ERBB4: variants seen among roughly 807,000 people sequenced by gnomAD.
ERBB4 encodes the protein receptor tyrosine-protein kinase erbB-4.
ERBB4 carries 42 observed loss-of-function variants against 158.0 expected under a neutral mutation model. That is an observed-to-expected ratio of 0.27 (90% CI 0.21 to 0.34). The LOEUF is 0.34. ERBB4 is among the 10% of genes least tolerant of loss of function. ERBB4 has a pLI of 1.00. For synonymous variants in ERBB4, 583 were observed against 558.7 expected (o/e 1.04, Z -0.61); for missense variants, 1,333 against 1,624.1 (o/e 0.82, Z 3.08).
intron 2 of ERBB4, among the ~76,000 whole-genome samples, chr2:211,997,909 T>TACACACACACACACA (rs35510591): frequency 6.6e-6 from 1 of 150,450 alleles, no homozygotes; most frequent in Non-Finnish European, 1.5e-5. Context: ...CACACACACA[T>TACACACACACACACA]CACACACACA....
intron 2 of ERBB4, among the ~76,000 whole-genome samples, chr2:212,116,154 T>C (rs1471276253): frequency 3.3e-5 from 5 of 151,696 alleles, no homozygotes; most frequent in Non-Finnish European, 7.4e-5. Context: ...TGGAAAGCGG[T>C]TGCTAATTTA....
intron 19 of ERBB4, among the ~76,000 whole-genome samples, chr2:211,569,297 C>T (rs2125739920): frequency 6.6e-6 from 1 of 152,316 alleles, no homozygotes; most frequent in South Asian, 2.1e-4. Context: ...CTCCGGATTA[C>T]ACTGAAATTC....
intron 20 of ERBB4, among the ~76,000 whole-genome samples, chr2:211,465,708 C>A (rs1033659723): frequency 6.6e-6 from 1 of 152,076 alleles, no homozygotes; most frequent in Non-Finnish European, 1.5e-5. Context: ...GACAAAGAAA[C>A]CTCCTATCTG....
chr2:212,110,522 G>A (rs753057741), intron 2 of ERBB4, among the ~76,000 whole-genome samples: 4 of 152,138 alleles, frequency 2.6e-5, no homozygotes, highest in Non-Finnish European at 4.4e-5. Context: ...TGCTGCTACC[G>A]CCTCACTGAA....
intron 1 of ERBB4, among the ~76,000 whole-genome samples, chr2:212,213,563 A>C (rs917196088): frequency 6.6e-6 from 1 of 151,950 alleles, no homozygotes; most frequent in Non-Finnish European, 1.5e-5. Flanking sequence ...AAGTGCTGAC[A>C]TAGGATCTAC....
intron 1 of ERBB4, among the ~76,000 whole-genome samples, chr2:212,520,620 C>G (rs886698954): frequency 4.0e-5 from 6 of 151,836 alleles, no homozygotes; most frequent in African/African-American, 1.4e-4. Context: ...AAAAAAATAG[C>G]TTTCATTGTT....
At chr2:211,852,991 T>C (rs1232759764) in intron 3 of ERBB4, among the ~76,000 whole-genome samples, 30 of 152,038 alleles carry the variant, frequency 2.0e-4, no homozygotes, top group Non-Finnish European at 1.5e-5. Flanking sequence ...GTTGGTCTAA[T>C]AGTCTTGTCA....
chr2:211,928,190 C>T (rs187304228), intron 3 of ERBB4, among the ~76,000 whole-genome samples: 1 of 152,200 alleles, frequency 6.6e-6, no homozygotes, highest in East Asian at 1.9e-4. Context: ...TCACTGAGAC[C>T]TTTGCGTGAG....
At chr2:211,503,902 T>C (rs560768209) in intron 20 of ERBB4, among the ~76,000 whole-genome samples, 2 of 152,184 alleles carry the variant, frequency 1.3e-5, no homozygotes, top group South Asian at 2.1e-4. Context: ...GTTGCAGGAT[T>C]GCTAGATTGA....
intron 25 of ERBB4, among the ~76,000 whole-genome samples, chr2:211,415,310 G>A (rs1338327159): frequency 2.6e-5 from 4 of 151,444 alleles, no homozygotes; most frequent in Admixed American, 1.3e-4. Flanking sequence ...TAGTAGAGGC[G>A]GGGTTTCACC....
intron 16 of ERBB4, among the ~76,000 whole-genome samples, chr2:211,637,616 C>A (rs1559370721): frequency 6.6e-6 from 1 of 151,842 alleles, no homozygotes; most frequent in African/African-American, 2.4e-5. Context: ...TCATTTAGCT[C>A]CACTGAATGT....
chr2:211,784,049 G>A (rs2076099030), intron 4 of ERBB4, among the ~76,000 whole-genome samples: 1 of 152,124 alleles, frequency 6.6e-6, no homozygotes, highest in South Asian at 2.1e-4. Context: ...TTCAGAGCCT[G>A]TTATTGGTCT....
chr2:212,054,497 T>G (rs184039802), intron 2 of ERBB4, among the ~76,000 whole-genome samples: 2 of 151,776 alleles, frequency 1.3e-5, no homozygotes, highest in Non-Finnish European at 2.9e-5. Context: ...ACCTGGGGAG[T>G]AGAAAAGAGT....
At chr2:211,704,938 T>G (rs1312596885) in intron 10 of ERBB4, among the ~76,000 whole-genome samples, 4 of 152,048 alleles carry the variant, frequency 2.6e-5, no homozygotes, top group Admixed American at 6.6e-5. Flanking sequence ...TATGTAACTT[T>G]TTTTGTTTTG....
At chr2:212,125,627 G>A (rs1329766412) in intron 1 of ERBB4, among the ~76,000 whole-genome samples, 2 of 152,078 alleles carry the variant, frequency 1.3e-5, no homozygotes, top group Admixed American at 1.3e-4. Flanking sequence ...GTGTCCATGT[G>A]TTCTCATCAT....
chr2:211,877,570 T>C (rs976521467), intron 3 of ERBB4, among the ~76,000 whole-genome samples: 1 of 151,984 alleles, frequency 6.6e-6, no homozygotes, highest in Non-Finnish European at 1.5e-5. Context: ...AAATGTCTTT[T>C]TTTTTTTCCA....
At chr2:212,168,696 G>A (rs1323930898) in intron 1 of ERBB4, among the ~76,000 whole-genome samples, 2 of 152,134 alleles carry the variant, frequency 1.3e-5, no homozygotes, top group Non-Finnish European at 2.9e-5. Flanking sequence ...TTTGAACCAG[G>A]TTTGACAAAT....
chr2:211,721,281 T>C (rs1388084232), intron 7 of ERBB4, among the ~76,000 whole-genome samples: 2 of 152,066 alleles, frequency 1.3e-5, no homozygotes, highest in Admixed American at 6.5e-5. Context: ...GGATTGTGGA[T>C]GCTCAGCCTG....
chr2:212,458,637 A>T (rs1022684967), intron 1 of ERBB4, among the ~76,000 whole-genome samples: 6 of 152,070 alleles, frequency 3.9e-5, no homozygotes, highest in Non-Finnish European at 7.4e-5. Flanking sequence ...AAAAAAAAAA[A>T]ATCATTCGAG....
Sources: gnomAD v4.1 joint callset for allele counts (sites outside exome capture counted in the v4.1 genomes callset) on GRCh38, gnomAD v4.1.1 for gene constraint, MANE v1.5 for transcripts, NCBI Gene and HGNC (gene_info 2026-07-23, HGNC 2026-07-21) for gene names.